IP6K1: variants seen among roughly 807,000 people sequenced by gnomAD.
IP6K1 encodes ATP:1D-myo-inositol-hexakisphosphate phosphotransferase.
A neutral mutation model predicts 38.3 loss-of-function variants in IP6K1; 13 were observed. That is an observed-to-expected ratio of 0.34 (90% confidence interval 0.22 to 0.54). IP6K1 has a LOEUF of 0.54. Among genes scored for constraint, IP6K1 ranks in the 20% least tolerant of loss-of-function variants. The pLI, the probability that IP6K1 is intolerant of heterozygous loss-of-function variation, is 0.92. For synonymous variants in IP6K1, 212 were observed against 229.9 expected (o/e 0.92, Z 0.70); for missense variants, 397 against 599.8 (o/e 0.66, Z 3.53).
In IP6K1 at chr3:49,727,382, T is replaced by A. The variant is rs1010084738; in HGVS notation, c.1066A>T (p.Met356Leu). The A allele has an allele frequency of 1.2e-6, 2 of 1,613,868 alleles. No individual in the cohort carries two copies. Among genetic ancestry groups the A allele is most frequent in the Non-Finnish European group, 1.7e-6 (2 of 1,180,010 alleles). Residue 356 changes from methionine (M) to leucine (L), a missense_variant, in exon 6 of 6, where the codon ATG becomes TTG. By Grantham distance (15) the Met-to-Leu change is conservative. This residue lies in a region of IP6K1 where 164 missense variants were observed against 213.5 expected (regional missense o/e 0.77). Coordinates refer to ENST00000321599, the MANE Select transcript of IP6K1 (RefSeq NM_153273.4). The surrounding 1 kb of genome is among the most constrained non-coding windows in gnomAD (Gnocchi z 5.9). Reference sequence around the variant, plus strand: ...ACCATGTCCAGGTGCTTGAGACGCATCTCAGACCGGCGGTCCAGGCAGGAC... The same window carrying A: ...ACCATGTCCAGGTGCTTGAGACGCAACTCAGACCGGCGGTCCAGGCAGGAC... ...AESCLDRRSE[M>L]RLKHLDMVLP...
At chr3:49,784,965 A>G (rs2081098873) in intron 1 of IP6K1, among the ~76,000 whole-genome samples, 1 of 152,118 alleles carries the variant, frequency 6.6e-6, no homozygotes, top group Admixed American at 6.5e-5. Context: ...ACAAAACAAA[A>G]CAAAACAAAA....
At chr3:49,731,040 C>G (rs1476842924) in intron 4 of IP6K1, among the ~76,000 whole-genome samples, 1 of 151,454 alleles carries the variant, frequency 6.6e-6, no homozygotes, top group African/African-American at 2.4e-5. Context: ...AATTTGAAAC[C>G]AGTGAATGAG....
chr3:49,758,958 AT>A (rs140813356), intron 1 of IP6K1, among the ~76,000 whole-genome samples: 79,549 of 151,112 alleles, frequency 0.53, 21,775 homozygotes, highest in East Asian at 0.82. Context: ...AAAAAAAAAA[AT>A]ACCCAACAGT....
intron 1 of IP6K1, among the ~76,000 whole-genome samples, chr3:49,771,323 C>T (rs1315208429): frequency 6.6e-6 from 1 of 151,644 alleles, no homozygotes. Flanking sequence ...CATAGGGAGG[C>T]CCTATCTCTA....
At position 49,725,965 on chromosome 3, in the gene IP6K1, GTA is replaced by G. The variant is rs1302306531; in HGVS notation, c.*1155_*1156del. On this transcript the variant is annotated 3_prime_UTR_variant, in exon 6 of 6. Coordinates refer to ENST00000321599, the MANE Select transcript of IP6K1 (RefSeq NM_153273.4). ...TGCTGAGGAAAGCATGAAGGAATGA[GTA>G]TATACTAATGAACAAGGCTACACCC... The G allele has an allele frequency of 6.6e-6, 1 of 152,358 alleles. No homozygotes were observed. The highest frequency in any genetic ancestry group is 2.4e-5 in the African/African-American group (1 of 41,414). The allele number at this position is 152,358 out of a possible 1,614,324, so 9.4% of individuals were successfully genotyped here.
chr3:49,727,672 C>T lies in IP6K1; in HGVS notation c.793-17G>A. 1 of 1,607,614 alleles carries T rather than the reference C, an allele frequency of 6.2e-7. No homozygotes were observed. Among genetic ancestry groups the T allele is most frequent in the Non-Finnish European group, 8.5e-7 (1 of 1,175,638 alleles). On this transcript the variant is annotated splice_polypyrimidine_tract_variant and intron_variant, in intron 5 of 5. Coordinates refer to ENST00000321599, the MANE Select transcript of IP6K1 (RefSeq NM_153273.4). The surrounding 1 kb of genome is among the most constrained non-coding windows in gnomAD (Gnocchi z 5.9). ...CTGGTACACCTGAAACCCCAGGAGG[C>T]AGACAGGGTGAGTGCCAGGGAAGTC... is the stretch of plus-strand genomic sequence containing the variant.
intron 2 of IP6K1, among the ~76,000 whole-genome samples, chr3:49,746,530 C>T (rs1407860566): frequency 1.2e-5 from 1 of 85,238 alleles, no homozygotes; most frequent in Non-Finnish European, 2.5e-5. Flanking sequence ...AATAGCTGGG[C>T]GTGGTGGCAC....
intron 1 of IP6K1, among the ~76,000 whole-genome samples, chr3:49,776,884 A>C (rs2081021017): frequency 6.6e-6 from 1 of 152,220 alleles, no homozygotes; most frequent in Non-Finnish European, 1.5e-5. Flanking sequence ...GTGTCCAAGA[A>C]AGCAGGCTGG....
intron 1 of IP6K1, among the ~76,000 whole-genome samples, chr3:49,765,478 TAAAAAAAAAAA>T (rs34207764): frequency 9.2e-6 from 1 of 108,470 alleles, no homozygotes; most frequent in African/African-American, 3.7e-5. Context: ...TGTTTCTACT[TAAAAAAAAAAA>T]AAAAAAAAAA....
At chr3:49,767,696 A>C (rs2080923614) in intron 1 of IP6K1, among the ~76,000 whole-genome samples, 1 of 152,136 alleles carries the variant, frequency 6.6e-6, no homozygotes, top group Non-Finnish European at 1.5e-5. Flanking sequence ...ACTTAAGCCC[A>C]AGAGTTTGAG....
Position 49,727,095 on chromosome 3 carries a change from A to G in IP6K1, c.*27T>C. The G allele has an allele frequency of 6.4e-7, 1 of 1,554,792 alleles. No homozygotes were observed. The highest frequency in any genetic ancestry group is 8.7e-7 in the Non-Finnish European group (1 of 1,148,296). On this transcript the variant is annotated 3_prime_UTR_variant, in exon 6 of 6. Transcript: ENST00000321599. This position sits in a 1 kb window ranked among gnomAD's most constrained non-coding sequence, Gnocchi z 5.9. ...TGGTCCCTGCCTGCAGTGGAGAGGA[A>G]GGGGTTCTGGGGGCCCAGAACAGGG...
chr3:49,747,209 C>T (rs1171332956), intron 2 of IP6K1, among the ~76,000 whole-genome samples: 1 of 151,844 alleles, frequency 6.6e-6, no homozygotes, highest in East Asian at 1.9e-4. Flanking sequence ...AAAACTTAGA[C>T]ACAATGAGCA....
chr3:49,772,079 G>A (rs2080964458), intron 1 of IP6K1, among the ~76,000 whole-genome samples: 1 of 151,808 alleles, frequency 6.6e-6, no homozygotes, highest in African/African-American at 2.4e-5. Flanking sequence ...GTGCAGCAGT[G>A]CACACCTGTA....
chr3:49,774,878 CT>C (rs34791912), intron 1 of IP6K1, among the ~76,000 whole-genome samples: 58 of 145,144 alleles, frequency 4.0e-4, no homozygotes, highest in East Asian at 8.0e-4. Context: ...GTCATAATTT[CT>C]TTTTTTTTTT....
intron 1 of IP6K1, among the ~76,000 whole-genome samples, chr3:49,751,337 T>C (rs1422200512): frequency 6.6e-6 from 1 of 152,116 alleles, no homozygotes; most frequent in African/African-American, 2.4e-5. Context: ...AATTTTTGTA[T>C]TTTTAGTGGA....
intron 1 of IP6K1, among the ~76,000 whole-genome samples, chr3:49,772,386 A>G (rs73077195): frequency 6.7e-6 from 1 of 149,904 alleles, no homozygotes; most frequent in Non-Finnish European, 1.5e-5. Flanking sequence ...ATATACATAT[A>G]TTGTCTTCTT....
intron 1 of IP6K1, among the ~76,000 whole-genome samples, chr3:49,762,349 C>T (rs1189131934): frequency 6.6e-6 from 1 of 152,186 alleles, no homozygotes; most frequent in Admixed American, 6.5e-5. Context: ...TGAGACCAAC[C>T]TGGCCAACAT....
At chr3:49,778,135 C>A (rs1165915728) in intron 1 of IP6K1, among the ~76,000 whole-genome samples, 1 of 151,184 alleles carries the variant, frequency 6.6e-6, no homozygotes, top group East Asian at 2.0e-4. Context: ...ACCATCCTGG[C>A]CAACATGGTG....
At chr3:49,747,463 C>T (rs1456219733) in intron 2 of IP6K1, among the ~76,000 whole-genome samples, 2 of 152,144 alleles carry the variant, frequency 1.3e-5, no homozygotes, top group Non-Finnish European at 2.9e-5. Flanking sequence ...GCTATCTAAC[C>T]GCTTTAACCT....
Sources: allele counts gnomAD v4.1 joint callset (sites outside exome capture counted in the v4.1 genomes callset), GRCh38; gene constraint gnomAD v4.1.1; regional missense constraint gnomAD v4.1.1; non-coding constraint Gnocchi (gnomAD v3.1); transcripts MANE v1.5; gene names NCBI Gene and HGNC (gene_info 2026-07-23, HGNC 2026-07-21).